Variants in PPM1L observed in about 807,000 individuals in gnomAD.
The protein encoded by PPM1L is protein phosphatase, Mg2+/Mn2+ dependent 1L.
PPM1L carries 13 observed loss-of-function variants against 31.4 expected under a neutral mutation model. That is an observed-to-expected ratio of 0.41 (90% CI 0.27 to 0.66). PPM1L has a LOEUF of 0.66. Among genes scored for constraint, PPM1L ranks in the 30% least tolerant of loss-of-function variants. The pLI, the probability that PPM1L is intolerant of heterozygous loss-of-function variation, is 0.29. For missense variants in PPM1L, 326 were observed against 453.7 expected (o/e 0.72, Z 2.56); for synonymous variants, 184 against 175.4 (o/e 1.05, Z -0.39).
At chr3:160,987,676 T>A (rs1182875187) in intron 2 of PPM1L, among the ~76,000 whole-genome samples, 3 of 152,234 alleles carry the variant, frequency 2.0e-5, no homozygotes, top group Non-Finnish European at 4.4e-5. Context: ...CTCTCAAGTT[T>A]GAAGCTTCAT....
intron 2 of PPM1L, among the ~76,000 whole-genome samples, chr3:161,006,832 G>A (rs920743140): frequency 5.9e-5 from 9 of 151,912 alleles, no homozygotes; most frequent in African/African-American, 1.2e-4. Flanking sequence ...ACAGGCACCC[G>A]CCACCACGCC....
Position 160,756,853 on chromosome 3 carries a change from A to T in PPM1L, c.399+146A>T, listed in dbSNP as rs1714823397. ...TCTGGGTGCGAGGGGCGTGGTGATG[A>T]CACCACGGTGCCTGGCTGGACAAAT... On this transcript the variant is annotated intron_variant, in intron 1 of 3. Transcript: ENST00000498165. This position sits in a 1 kb window ranked among gnomAD's most constrained non-coding sequence, Gnocchi z 6.2. 2 of 891,062 alleles carry T rather than the reference A, an allele frequency of 2.2e-6. No homozygotes were observed. The highest frequency in any genetic ancestry group is 1.7e-5 in the African/African-American group (1 of 58,964). The allele number at this position is 891,062 out of a possible 1,614,324, so 55.2% of individuals were successfully genotyped here. A position where few individuals can be genotyped will look rare whatever the true frequency, so the allele number is the denominator to read the frequency against.
intron 1 of PPM1L, among the ~76,000 whole-genome samples, chr3:160,885,376 A>G (rs1034167954): frequency 1.3e-5 from 2 of 152,244 alleles, no homozygotes; most frequent in African/African-American, 2.4e-5. Flanking sequence ...TTATGAATGC[A>G]TTAGGTAGGA....
At chr3:160,836,208 G>T (rs890901227) in intron 1 of PPM1L, among the ~76,000 whole-genome samples, 3 of 151,886 alleles carry the variant, frequency 2.0e-5, no homozygotes, top group African/African-American at 7.3e-5. Context: ...TGAATTTATT[G>T]CTTTTCTTTG....
At chr3:161,056,328 C>A (rs1384477265) in intron 2 of PPM1L, among the ~76,000 whole-genome samples, 2 of 152,134 alleles carry the variant, frequency 1.3e-5, no homozygotes, top group Non-Finnish European at 2.9e-5. Context: ...TCATTGTCAC[C>A]ACTATTCCTC....
intron 1 of PPM1L, among the ~76,000 whole-genome samples, chr3:160,774,006 T>C (rs1711505539): frequency 6.6e-6 from 1 of 152,218 alleles, no homozygotes; most frequent in African/African-American, 2.4e-5. Flanking sequence ...CTTCTATGGA[T>C]TCAGCCATCC....
intron 1 of PPM1L, among the ~76,000 whole-genome samples, chr3:160,819,295 A>G (rs1045124103): frequency 6.6e-6 from 1 of 152,074 alleles, no homozygotes; most frequent in African/African-American, 2.4e-5. Context: ...ATTTAATATA[A>G]CATAAGAAAC....
At chr3:160,913,911 G>C (rs1714063860) in intron 1 of PPM1L, among the ~76,000 whole-genome samples, 1 of 152,150 alleles carries the variant, frequency 6.6e-6, no homozygotes, top group Non-Finnish European at 1.5e-5. Flanking sequence ...ATGTACATCT[G>C]AGTAGAAATA....
At chr3:160,967,628 A>G (rs1234732862) in intron 2 of PPM1L, among the ~76,000 whole-genome samples, 1 of 152,028 alleles carries the variant, frequency 6.6e-6, no homozygotes, top group African/African-American at 2.4e-5. Context: ...TTTTCAACAT[A>G]TGAATTTTGG....
intron 1 of PPM1L, among the ~76,000 whole-genome samples, chr3:160,779,281 G>A (rs780604295): frequency 5.3e-5 from 8 of 152,154 alleles, no homozygotes; most frequent in Non-Finnish European, 1.0e-4. Flanking sequence ...GACTCCAGAA[G>A]GCAGAGAAGG....
chr3:161,051,938 T>G (rs948077042), intron 2 of PPM1L, among the ~76,000 whole-genome samples: 4 of 152,168 alleles, frequency 2.6e-5, no homozygotes, highest in African/African-American at 9.7e-5. Flanking sequence ...TGACCTTATG[T>G]TTTTGTCCGC....
chr3:160,978,432 G>A (rs982185072), intron 2 of PPM1L, among the ~76,000 whole-genome samples: 1 of 152,272 alleles, frequency 6.6e-6, no homozygotes, highest in Admixed American at 6.5e-5. Flanking sequence ...AGTATGAAAT[G>A]GTGCCCAGGA....
intron 1 of PPM1L, among the ~76,000 whole-genome samples, chr3:160,898,937 C>T (rs367741811): frequency 9.9e-5 from 15 of 152,284 alleles, no homozygotes; most frequent in Admixed American, 5.2e-4. Context: ...AACCAGGATT[C>T]GTTAGGTCAG....
intron 2 of PPM1L, among the ~76,000 whole-genome samples, chr3:161,050,873 G>T (rs1442516215): frequency 1.3e-5 from 2 of 152,154 alleles, no homozygotes; most frequent in African/African-American, 2.4e-5. Flanking sequence ...TAAAATCCAA[G>T]AATTGGCATT....
chr3:160,908,880 A>G (rs1576706119), intron 1 of PPM1L, among the ~76,000 whole-genome samples: 1 of 152,296 alleles, frequency 6.6e-6, no homozygotes, highest in East Asian at 1.9e-4. Flanking sequence ...AGAGGAGAGG[A>G]GAATTCATTT....
chr3:161,048,018 T>C (rs1719139471), intron 2 of PPM1L, among the ~76,000 whole-genome samples: 1 of 152,210 alleles, frequency 6.6e-6, no homozygotes, highest in Admixed American at 6.5e-5. Context: ...ATTCAGGACA[T>C]AGGCATGGGC....
intron 1 of PPM1L, among the ~76,000 whole-genome samples, chr3:160,904,318 T>C (rs989430388): frequency 2.6e-5 from 4 of 152,212 alleles, no homozygotes; most frequent in Non-Finnish European, 4.4e-5. Flanking sequence ...GCATATATGA[T>C]GTTCTTTCAA....
chr3:160,891,620 C>A (rs113024926), intron 1 of PPM1L, among the ~76,000 whole-genome samples: 1,883 of 152,212 alleles, frequency 0.012, 35 homozygotes, highest in African/African-American at 0.043. Context: ...CCAGAAATAC[C>A]ATTTGACCCA....
At chr3:160,888,741 A>G (rs1338081112) in intron 1 of PPM1L, among the ~76,000 whole-genome samples, 1 of 152,230 alleles carries the variant, frequency 6.6e-6, no homozygotes, top group Non-Finnish European at 1.5e-5. Flanking sequence ...TCAGTGGCAT[A>G]TGGCACTTAA....
Sources: allele counts gnomAD v4.1 joint callset (sites outside exome capture counted in the v4.1 genomes callset), GRCh38; gene constraint gnomAD v4.1.1; non-coding constraint Gnocchi (gnomAD v3.1); transcripts MANE v1.5; gene names NCBI Gene and HGNC (gene_info 2026-07-23, HGNC 2026-07-21).